Variants in FBXO25 observed in about 807,000 individuals in gnomAD.
The protein encoded by FBXO25 is F-box only protein 25.
In FBXO25, 45 loss-of-function variants were observed where a neutral mutation model predicts 51.9. The observed-to-expected ratio is 0.87, with a 90% CI of 0.68 to 1.11. The LOEUF (loss-of-function observed/expected upper bound fraction) is 1.11, where lower values mean the gene tolerates loss of function less well. FBXO25 is among the 50% of genes most tolerant of loss of function. FBXO25 has a pLI of 0.00. For missense variants in FBXO25, 507 were observed against 428.5 expected, an observed-to-expected ratio of 1.18 and a Z score of -1.62; for synonymous variants, 199 against 151.0, an observed-to-expected ratio of 1.32 and a Z score of -2.33.
chr8:432,196 C>G (rs1376946772), intron 3 of FBXO25, among the ~76,000 whole-genome samples: 1 of 152,068 alleles, frequency 6.6e-6, no homozygotes, highest in Non-Finnish European at 1.5e-5. Flanking sequence ...AACAGGTGAT[C>G]CGATAACCAA....
Position 474,577 on chromosome 8 carries a change from A to C in FBXO25, c.*5773A>C, listed in dbSNP as rs894389139. On this transcript the variant is annotated 3_prime_UTR_variant, in exon 10 of 10. Transcript: ENST00000350302. ...GTTTTTAATAATTGCCATCCTAATGAGTGTGAAGTGGTATCCTGCTGAGAT... is the reference window on the plus strand; with the variant it reads ...GTTTTTAATAATTGCCATCCTAATGCGTGTGAAGTGGTATCCTGCTGAGAT... 8.1e-6 allele frequency: 3 copies of C among 368,300 alleles called. No individual in the cohort carries two copies. The Admixed American group carries it at 1.2e-4, about 14-fold the overall frequency. The allele number at this position is 368,300 out of a possible 1,614,324, so 22.8% of individuals were successfully genotyped here.
At chr8:428,409 A>G (rs73669377) in intron 2 of FBXO25, among the ~76,000 whole-genome samples, 8,597 of 152,006 alleles carry the variant, frequency 0.057, 400 homozygotes, top group African/African-American at 0.12. Context: ...ATAACGTTCT[A>G]TTCTTTGTTT....
intron 9 of FBXO25, among the ~76,000 whole-genome samples, chr8:467,256 G>T (rs547758587): frequency 1.1e-4 from 16 of 152,188 alleles, no homozygotes; most frequent in Non-Finnish European, 2.2e-4. Flanking sequence ...GCTGGCTTAA[G>T]GGCATGTGTG....
Position 476,479 on chromosome 8 carries a change from A to G in FBXO25, c.*7675A>G, listed in dbSNP as rs1128051. The G allele has an allele frequency of 0.45, 67,848 of 151,828 alleles. 15,971 individuals are homozygous for G. The highest frequency in any genetic ancestry group is 0.6 in the African/African-American group (24,824 of 41,380). 9.4% of individuals were successfully genotyped at this position (151,828 alleles called of 1,614,324 possible). On this transcript the variant is annotated 3_prime_UTR_variant, in exon 10 of 10. Transcript: ENST00000350302. ...AGATGTTTGCCAGAATTCCCATATG[A>G]CCCTGGGCTTTTCTTTCTTGGGAGG...
chr8:474,128 G>C lies in FBXO25; in HGVS notation c.*5324G>C, dbSNP rs750362811. 11 of 154,198 alleles carry C rather than the reference G, an allele frequency of 7.1e-5. No individual in the cohort carries two copies. Among genetic ancestry groups the C allele is most frequent in the African/African-American group, 2.4e-4 (10 of 41,478 alleles). 9.6% of individuals were successfully genotyped at this position (154,198 alleles called of 1,614,324 possible). Reference sequence around the variant, plus strand: ...CCAACTCCCTATTCCCCATCCACCAGCCCCTGGCAGCCTCTGTTCTCCTTT... The same window carrying C: ...CCAACTCCCTATTCCCCATCCACCACCCCCTGGCAGCCTCTGTTCTCCTTT... On this transcript the variant is annotated 3_prime_UTR_variant, in exon 10 of 10. Transcript: ENST00000350302.
In FBXO25 at chr8:474,821, G is replaced by A. The variant is rs1044468816; in HGVS notation, c.*6017G>A. 10 of 424,564 alleles carry A rather than the reference G, an allele frequency of 2.4e-5. No individual in the cohort carries two copies. Among genetic ancestry groups the A allele is most frequent in the African/African-American group, 1.0e-4 (5 of 48,024 alleles). 26.3% of individuals were successfully genotyped at this position (424,564 alleles called of 1,614,324 possible). A position where few individuals can be genotyped will look rare whatever the true frequency, so the allele number is the denominator to read the frequency against. ...CTTTCACTCTGTTTTGTTCTTTGAT[G>A]TACAGAAGTTGTTTCTTTCTTTTAG... On this transcript the variant is annotated 3_prime_UTR_variant, in exon 10 of 10. Coordinates refer to ENST00000350302, the MANE Select transcript of FBXO25 (RefSeq NM_183420.2).
Position 476,465 on chromosome 8 carries a change from A to G in FBXO25, c.*7661A>G, listed in dbSNP as rs1400392235. ...TGATTTAATTCTTCAGATGTTTGCC[A>G]GAATTCCCATATGACCCTGGGCTTT... On this transcript the variant is annotated 3_prime_UTR_variant, in exon 10 of 10. Coordinates refer to ENST00000350302, the MANE Select transcript of FBXO25 (RefSeq NM_183420.2). The G allele has an allele frequency of 1.3e-5, 2 of 152,192 alleles. No individual in the cohort carries two copies. The highest frequency in any genetic ancestry group is 4.8e-5 in the African/African-American group (2 of 41,460). The allele number at this position is 152,192 out of a possible 1,614,324, so 9.4% of individuals were successfully genotyped here. A position where few individuals can be genotyped will look rare whatever the true frequency, so the allele number is the denominator to read the frequency against.
rs764111651 is a variant in FBXO25, at chr8:450,056, A to C, written c.448A>C (p.Asn150His). 17 of 1,613,236 alleles carry C rather than the reference A, an allele frequency of 1.1e-5. 1 individual carries two copies. Among genetic ancestry groups the C allele is most frequent in the Non-Finnish European group, 1.3e-5 (15 of 1,179,644 alleles). Residue 150 changes from asparagine (N) to histidine (H), a missense_variant, in exon 6 of 10, where the codon AAC becomes CAC. By Grantham distance (68) the Asn-to-His change is moderately conservative. Transcript: ENST00000350302. ...TGGCGTGGCACAGAAGAATTACTTC[A>C]ACATTTTGGATAAAATCGTTCAAAA... ...LSGVAQKNYF[N>H]ILDKIVQKVL...
chr8:428,424 C>T (rs1191672715), intron 2 of FBXO25, among the ~76,000 whole-genome samples: 4 of 152,008 alleles, frequency 2.6e-5, no homozygotes, highest in African/African-American at 9.7e-5. Flanking sequence ...TTGTTTTTAA[C>T]ACTTCCCGCC....
At chr8:459,181 T>C (rs1056338120) in intron 8 of FBXO25, among the ~76,000 whole-genome samples, 4 of 152,188 alleles carry the variant, frequency 2.6e-5, no homozygotes, top group African/African-American at 9.7e-5. Flanking sequence ...AGGCACCTGC[T>C]CTGCACAGGG....
At chr8:455,217 G>A (rs544012160) in intron 7 of FBXO25, among the ~76,000 whole-genome samples, 28 of 152,374 alleles carry the variant, frequency 1.8e-4, no homozygotes, top group African/African-American at 5.0e-4. Context: ...GGGCATTGCA[G>A]AGCCTTTGCT....
intron 2 of FBXO25, among the ~76,000 whole-genome samples, chr8:421,843 CA>C (rs1313431563): frequency 2.0e-5 from 3 of 152,004 alleles, no homozygotes; most frequent in African/African-American, 7.3e-5. Flanking sequence ...AGATGTCCGT[CA>C]AAAAGTGCTG....
intron 9 of FBXO25, among the ~76,000 whole-genome samples, chr8:466,962 C>A (rs1563102031): frequency 6.6e-6 from 1 of 152,082 alleles, no homozygotes; most frequent in Admixed American, 6.6e-5. Flanking sequence ...AGCATTTGGC[C>A]TTTTTATGTC....
chr8:433,994 T>C (rs886624359), intron 4 of FBXO25, among the ~76,000 whole-genome samples: 1 of 152,210 alleles, frequency 6.6e-6, no homozygotes, highest in African/African-American at 2.4e-5. Context: ...TTTCATCTGC[T>C]CTGTTGCCAT....
chr8:467,673 C>T (rs373102655), intron 9 of FBXO25: 54 of 1,602,200 alleles, frequency 3.4e-5, no homozygotes, highest in Non-Finnish European at 4.2e-5. Flanking sequence ...CTTTTTTTCC[C>T]TCCCTTCACT....
intron 9 of FBXO25, among the ~76,000 whole-genome samples, chr8:466,241 C>T (rs560891172): frequency 6.6e-6 from 1 of 152,344 alleles, no homozygotes; most frequent in Non-Finnish European, 1.5e-5. Context: ...GTGGGTTTGC[C>T]CAGTGTGGCT....
intron 2 of FBXO25, among the ~76,000 whole-genome samples, chr8:420,888 A>C (rs1797111793): frequency 6.6e-6 from 1 of 152,262 alleles, no homozygotes; most frequent in South Asian, 2.1e-4. Context: ...TGTGCACCAC[A>C]GAATTTCACT....
At chr8:465,351 C>CT (rs1007568894) in intron 9 of FBXO25, among the ~76,000 whole-genome samples, 1 of 152,244 alleles carries the variant, frequency 6.6e-6, no homozygotes, top group Admixed American at 6.5e-5. Context: ...AGTTACTTGT[C>CT]TTTTTTTCTC....
At chr8:458,908 T>A (rs56161203) in intron 8 of FBXO25, among the ~76,000 whole-genome samples, 4,336 of 152,272 alleles carry the variant, frequency 0.028, 189 homozygotes, top group African/African-American at 0.087. Flanking sequence ...CTGCACATCC[T>A]TGAAAAGTCA....
Sources: gnomAD v4.1 joint callset for allele counts (sites outside exome capture counted in the v4.1 genomes callset) on GRCh38, gnomAD v4.1.1 for gene constraint, MANE v1.5 for transcripts, NCBI Gene and HGNC (gene_info 2026-07-23, HGNC 2026-07-21) for gene names.